The following SLC39A12 variants were observed in gnomAD, a reference collection of about 807,000 sequenced individuals.
SLC39A12 encodes the protein solute carrier family 39 member 12.
In SLC39A12, 63 loss-of-function variants were observed where a neutral mutation model predicts 71.1. The ratio of observed to expected loss-of-function variants is 0.89; its 90% CI spans 0.72 to 1.09. The LOEUF (loss-of-function observed/expected upper bound fraction) is 1.09, where lower values mean the gene tolerates loss of function less well. Among genes scored for constraint, SLC39A12 ranks in the 50% least tolerant of loss-of-function variants. The pLI is 0.00. For missense variants in SLC39A12, 892 were observed against 812.6 expected (o/e 1.10, Z -1.19); for synonymous variants, 351 against 301.3 (o/e 1.16, Z -1.71).
chr10:17,965,604 T>C lies in SLC39A12; in HGVS notation c.665T>C (p.Leu222Pro), dbSNP rs751551189. ...IITLSLQGVC[L>P]GQGNLPSPDY... ...ACTTTGTCCCTCCAGGGTGTTTGTC[T>C]GGGACAAGGAAACTTGCCTTCCCCA... Residue 222 changes from leucine to proline, a missense_variant, in exon 4 of 13, where the codon CTG (leucine) becomes CCG (proline). Leu to Pro is a moderately conservative substitution (Grantham distance 98, BLOSUM62 -3). Coordinates refer to ENST00000377369, the MANE Select transcript of SLC39A12 (RefSeq NM_001145195.2). 1.2e-6 allele frequency: 2 copies of C among 1,614,192 alleles called. No homozygotes were observed. The highest frequency in any genetic ancestry group is 1.7e-6 in the Non-Finnish European group (2 of 1,180,010).
At chr10:17,960,582 G>A (rs910598091) in intron 2 of SLC39A12, among the ~76,000 whole-genome samples, 3 of 152,300 alleles carry the variant, frequency 2.0e-5, no homozygotes, top group African/African-American at 2.4e-5. Context: ...AAAAGCAGAC[G>A]AAATCTGCTG....
rs552305565 is a variant in SLC39A12, at chr10:17,981,468, C to T, written c.1081C>T (p.Pro361Ser). The change falls in exon 6 of 13, where the codon CCT becomes TCT. Residue 361 changes from proline to serine, a missense_variant. By Grantham distance (74) the Pro-to-Ser change is moderately conservative (BLOSUM62 -1). Transcript: ENST00000377369. ...CAAGGACCAACAAGCAAAGCTGCCA[C>T]CTACCACTCTGGAGAGTAAGTTCTG... ...LPKDQQAKLP[P>S]TTLEKYGYST... 6.2e-7 allele frequency: 1 copy of T among 1,612,960 alleles called. No homozygotes were observed. The highest frequency in any genetic ancestry group is 1.1e-5 in the South Asian group (1 of 90,896).
rs973388201 is a variant in SLC39A12 at position 18,017,466 on chromosome 10, G to A, written c.1947+14108G>A. Among the ~76,000 whole-genome samples the A allele has an allele frequency of 5.9e-5, 9 of 152,152 alleles. No individual in the cohort carries two copies. The East Asian group carries it at 1.4e-3, about 23-fold the overall frequency. Reference sequence around the variant, plus strand: ...TAGGATTACAGGTGCATGCCACCACGCCCGGCTAATTTTTGTATTTTTAGT... The same window carrying A: ...TAGGATTACAGGTGCATGCCACCACACCCGGCTAATTTTTGTATTTTTAGT... On this transcript the variant is annotated intron_variant, in intron 12 of 12. Coordinates refer to ENST00000377369, the MANE Select transcript of SLC39A12 (RefSeq NM_001145195.2).
intron 11 of SLC39A12, 98 bp from the exon 12 acceptor site, chr10:18,003,073 T>A: frequency 9.3e-7 from 1 of 1,077,584 alleles, no homozygotes; most frequent in Non-Finnish European, 1.3e-6. Flanking sequence ...TAAAATTGGT[T>A]CCAGTGCTGA....
At chr10:18,022,962 G>A (rs1836575869) in intron 12 of SLC39A12, among the ~76,000 whole-genome samples, 1 of 152,156 alleles carries the variant, frequency 6.6e-6, no homozygotes, top group Non-Finnish European at 1.5e-5. Flanking sequence ...TAAGAGTAAT[G>A]ACCAGTAGAC....
chr10:17,959,447 C>T (rs1324510439), intron 2 of SLC39A12, among the ~76,000 whole-genome samples: 2 of 152,138 alleles, frequency 1.3e-5, no homozygotes, highest in Admixed American at 6.5e-5. Flanking sequence ...TTCTTCCTGA[C>T]TCAGATGATT....
At chr10:17,995,953 A>G (rs923124692) in intron 10 of SLC39A12, among the ~76,000 whole-genome samples, 1 of 152,232 alleles carries the variant, frequency 6.6e-6, no homozygotes, top group Non-Finnish European at 1.5e-5. Flanking sequence ...TTCTTAGTTG[A>G]TTTAAACTAA....
chr10:18,042,948 C>A lies in SLC39A12; in HGVS notation c.*115C>A. ...ATTTTTTATCTTAGGCAAAGTGTGT[C>A]TCTTTCAATTCATTAACTTATTAAT... On this transcript the variant is annotated 3_prime_UTR_variant, in exon 13 of 13. Coordinates refer to ENST00000377369, the MANE Select transcript of SLC39A12 (RefSeq NM_001145195.2). 2.6e-6 allele frequency: 2 copies of A among 781,954 alleles called. No individual in the cohort carries two copies. The highest frequency in any genetic ancestry group is 3.6e-6 in the Non-Finnish European group (2 of 551,078). 48.4% of individuals were successfully genotyped at this position (781,954 alleles called of 1,614,324 possible). A position where few individuals can be genotyped will look rare whatever the true frequency, so the allele number is the denominator to read the frequency against.
chr10:17,985,971 C>G (rs779989723), intron 6 of SLC39A12, among the ~76,000 whole-genome samples: 30 of 152,164 alleles, frequency 2.0e-4, no homozygotes, highest in Non-Finnish European at 3.7e-4. Context: ...TCACCAATAA[C>G]AACACTCATT....
At chr10:18,010,077 TC>T (rs371973370) in intron 12 of SLC39A12, among the ~76,000 whole-genome samples, 5 of 152,176 alleles carry the variant, frequency 3.3e-5, no homozygotes, top group African/African-American at 1.2e-4. Context: ...TTGATCCCAT[TC>T]CCTCCTCCCC....
chr10:17,981,090 G>A (rs1835243069), intron 5 of SLC39A12, among the ~76,000 whole-genome samples: 2 of 152,100 alleles, frequency 1.3e-5, no homozygotes, highest in African/African-American at 4.8e-5. Context: ...ACTAAATAAG[G>A]CTCAGAATGA....
intron 12 of SLC39A12, among the ~76,000 whole-genome samples, chr10:18,017,506 A>C (rs1836418814): frequency 6.6e-6 from 1 of 152,122 alleles, no homozygotes. Flanking sequence ...ACGGGGTTTC[A>C]CCATGTTAGC....
At chr10:18,042,608 TA>T in intron 12 of SLC39A12, 96 bp from the exon 13 acceptor site, 1 of 1,247,920 alleles carries the variant, frequency 8.0e-7, no homozygotes, top group Non-Finnish European at 1.1e-6. Flanking sequence ...TAAAGGTTAT[TA>T]AGTTCTGAAT....
intron 4 of SLC39A12, among the ~76,000 whole-genome samples, chr10:17,970,797 A>G (rs1215580747): frequency 1.3e-5 from 2 of 151,242 alleles, no homozygotes; most frequent in Non-Finnish European, 2.9e-5. Flanking sequence ...CTTTATTTCT[A>G]TCTCTTGTCT....
intron 12 of SLC39A12, among the ~76,000 whole-genome samples, chr10:18,026,182 C>G (rs944691212): frequency 2.6e-5 from 4 of 152,232 alleles, no homozygotes; most frequent in African/African-American, 9.6e-5. Flanking sequence ...AGTTTTTGAC[C>G]AGTATCCTTT....
chr10:18,021,893 A>C (rs972110157), intron 12 of SLC39A12, among the ~76,000 whole-genome samples: 1 of 152,242 alleles, frequency 6.6e-6, no homozygotes, highest in South Asian at 2.1e-4. Context: ...GTTTTGCTGG[A>C]TATGAAATTC....
chr10:17,992,026 T>G (rs1406326820), intron 8 of SLC39A12, among the ~76,000 whole-genome samples: 1 of 141,614 alleles, frequency 7.1e-6, no homozygotes, highest in Non-Finnish European at 1.5e-5. Flanking sequence ...GAGGTAGAGG[T>G]TGCAGTGAGC....
intron 10 of SLC39A12, 125 bp downstream of exon 10, chr10:17,995,847 T>C (rs1835670280): frequency 4.0e-6 from 3 of 742,492 alleles, no homozygotes; most frequent in Non-Finnish European, 6.2e-6. Flanking sequence ...TGAAAAACTT[T>C]GCAATAGGAT....
At position 17,991,922 on chromosome 10, in the gene SLC39A12, G is replaced by A. The variant is rs149768652; in HGVS notation, c.1422+619G>A. ...TGGCCAACATAGCGAAACGCTGTCT[G>A]TACTGAAAATACAAAAATTAGCCAG... is the stretch of plus-strand genomic sequence containing the variant. On this transcript the variant is annotated intron_variant, in intron 8 of 12. Coordinates refer to ENST00000377369, the MANE Select transcript of SLC39A12 (RefSeq NM_001145195.2). Among the ~76,000 whole-genome samples, 1,327 of 151,774 alleles carry A rather than the reference G, an allele frequency of 8.7e-3. 19 individuals carry two copies. Among genetic ancestry groups the A allele is most frequent in the African/African-American group, 0.031 (1,277 of 41,376 alleles).
Sources: allele counts gnomAD v4.1 joint callset (sites outside exome capture counted in the v4.1 genomes callset), GRCh38; gene constraint gnomAD v4.1.1; transcripts MANE v1.5; gene names NCBI Gene and HGNC (gene_info 2026-07-23, HGNC 2026-07-21).